ST3GAL2: variants seen among roughly 807,000 people sequenced by gnomAD.
ST3GAL2 encodes the protein ST3 beta-galactoside alpha-2,3-sialyltransferase 2, also known as CMP-N-acetylneuraminate-beta-galactosamide-alpha-2,3-sialyltransferase 2.
Under a neutral mutation model 37.5 loss-of-function variants are expected in ST3GAL2, and 16 were observed. That is an observed-to-expected ratio of 0.43 (90% confidence interval 0.29 to 0.65). The LOEUF is 0.65. Ranked by LOEUF, ST3GAL2 falls within the 30% of genes least tolerant of loss-of-function variation. ST3GAL2 has a pLI of 0.17. For synonymous variants in ST3GAL2, 238 were observed against 202.9 expected, an observed-to-expected ratio of 1.17 and a Z score of -1.47; for missense variants, 383 against 487.8, an observed-to-expected ratio of 0.79 and a Z score of 2.02.
intron 1 of ST3GAL2, among the ~76,000 whole-genome samples, chr16:70,437,935 C>G (rs753102703): frequency 5.9e-5 from 9 of 152,130 alleles, no homozygotes; most frequent in Non-Finnish European, 1.2e-4. Context: ...CCCCCGGAGG[C>G]TTTGACTGAA....
chr16:70,431,729 C>T (rs1160927013), intron 1 of ST3GAL2, among the ~76,000 whole-genome samples: 2 of 151,286 alleles, frequency 1.3e-5, no homozygotes, highest in East Asian at 1.9e-4. Flanking sequence ...TTTGGGAGGC[C>T]GAGGCGGGCA....
chr16:70,432,939 A>G (rs1168981639), intron 1 of ST3GAL2, among the ~76,000 whole-genome samples: 2 of 152,236 alleles, frequency 1.3e-5, no homozygotes, highest in Non-Finnish European at 2.9e-5. Flanking sequence ...AGCTGTGTCC[A>G]CCACATAGAG....
intron 1 of ST3GAL2, among the ~76,000 whole-genome samples, chr16:70,429,496 G>A (rs2047773659): frequency 1.3e-5 from 2 of 150,456 alleles, no homozygotes; most frequent in South Asian, 2.1e-4. Flanking sequence ...GGCTGAGGCA[G>A]GAGAATGGCA....
intron 1 of ST3GAL2, among the ~76,000 whole-genome samples, chr16:70,402,208 A>C (rs2047560580): frequency 6.8e-6 from 1 of 147,930 alleles, no homozygotes; most frequent in African/African-American, 2.5e-5. Flanking sequence ...CTGAGGCAGG[A>C]GAATCGCTTG....
At position 70,395,087 on chromosome 16, in the gene ST3GAL2, A is replaced by T; in HGVS notation, c.428T>A (p.Phe143Tyr). 6.2e-7 allele frequency: 1 copy of T among 1,613,952 alleles called. No individual in the cohort carries two copies. Among genetic ancestry groups the T allele is most frequent in the Admixed American group, 1.7e-5 (1 of 60,008 alleles). ...GCGCCGGCACTGGTGGGGGTCCCGG[A>T]AGCGGTAGGGGTTCTCGCCAGGCAC... is the stretch of plus-strand genomic sequence containing the variant. ...QIVPGENPYR[F>Y]RDPHQCRRCA... The change falls in exon 3 of 7, where the codon TTC becomes TAC. Residue 143 changes from phenylalanine (F) to tyrosine (Y), a missense_variant. Transcript: ENST00000342907.
rs1398863162 is a variant in ST3GAL2, at chr16:70,416,666, A to G, written c.-1003-17133T>C. On this transcript the variant is annotated intron_variant, in intron 1 of 6. Coordinates refer to ENST00000342907, the MANE Select transcript of ST3GAL2 (RefSeq NM_006927.4). ...TATAAGTATGCATATGAAAGTGATA[A>G]TTATATTCTGCCCCCACTTTTCCAT... Among the ~76,000 whole-genome samples the G allele has an allele frequency of 2.0e-5, 3 of 152,174 alleles. No homozygotes were observed. The East Asian group carries it at 5.8e-4, about 29-fold the overall frequency.
chr16:70,421,264 C>T (rs1222118476), intron 1 of ST3GAL2, among the ~76,000 whole-genome samples: 5 of 152,234 alleles, frequency 3.3e-5, no homozygotes, highest in Non-Finnish European at 7.3e-5. Flanking sequence ...AATCAGTTCA[C>T]CACCTCTGGA....
rs1282499370 is a variant in ST3GAL2 at position 70,381,284 on chromosome 16, GCTA to G, written c.*402_*404del. 5 of 178,538 alleles carry G rather than the reference GCTA, an allele frequency of 2.8e-5. No homozygotes were observed. Among genetic ancestry groups the G allele is most frequent in the Non-Finnish European group, 4.8e-5 (4 of 83,404 alleles). 11.1% of individuals were successfully genotyped at this position (178,538 alleles called of 1,614,324 possible). The stretch of plus-strand genomic sequence containing the variant: ...GCCCGCTCTCCTCCAGGTCTGGCCA[GCTA>G]CTAAGACGATCCTCCGCCCGAGGCT... On this transcript the variant is annotated 3_prime_UTR_variant, in exon 7 of 7. Transcript: ENST00000342907.
chr16:70,394,887 C>G (rs1051264807), intron 3 of ST3GAL2, 95 bp downstream of exon 3: 1 of 1,414,228 alleles, frequency 7.1e-7, no homozygotes, highest in Non-Finnish European at 9.6e-7. Flanking sequence ...ACACCGGTAG[C>G]TGGCAGCATG....
At chr16:70,393,041 A>G (rs1057287276) in intron 3 of ST3GAL2, among the ~76,000 whole-genome samples, 5 of 148,938 alleles carry the variant, frequency 3.4e-5, no homozygotes, top group African/African-American at 1.2e-4. Flanking sequence ...TCCACTCTAT[A>G]CCACCCCCCT....
chr16:70,420,007 T>C (rs1036154691), intron 1 of ST3GAL2, among the ~76,000 whole-genome samples: 1 of 121,932 alleles, frequency 8.2e-6, no homozygotes, highest in African/African-American at 3.2e-5. Flanking sequence ...CAACTGACCA[T>C]TTGACCCCCC....
chr16:70,379,603 C>G lies in ST3GAL2; in HGVS notation c.*2086G>C, dbSNP rs941645844. On this transcript the variant is annotated 3_prime_UTR_variant, in exon 7 of 7. Coordinates refer to ENST00000342907, the MANE Select transcript of ST3GAL2 (RefSeq NM_006927.4). ...AAATCTGGCTGGATGCTGGGACCTA[C>G]CTCTTCCAGGATGGGGATTCATGAT... The G allele has an allele frequency of 6.6e-6, 1 of 152,150 alleles. No individual in the cohort carries two copies. The highest frequency in any genetic ancestry group is 1.9e-4 in the East Asian group (1 of 5,194). 9.4% of individuals were successfully genotyped at this position (152,150 alleles called of 1,614,324 possible).
chr16:70,426,133 A>G (rs1204802415), intron 1 of ST3GAL2, among the ~76,000 whole-genome samples: 1 of 149,162 alleles, frequency 6.7e-6, no homozygotes, highest in Non-Finnish European at 1.5e-5. Flanking sequence ...GGAAGTTAGG[A>G]TCCTACGTTC....
At chr16:70,395,270 G>T in intron 2 of ST3GAL2, 95 bp from the exon 3 acceptor site, 1 of 1,190,960 alleles carries the variant, frequency 8.4e-7, no homozygotes, top group Non-Finnish European at 1.2e-6. Flanking sequence ...TCACTATCCT[G>T]TGTCTGGGCA....
intron 1 of ST3GAL2, among the ~76,000 whole-genome samples, chr16:70,405,775 T>C (rs1219013452): frequency 6.6e-6 from 1 of 151,468 alleles, no homozygotes; most frequent in East Asian, 2.0e-4. Context: ...TAAAAGCCAC[T>C]GACAGCCAGG....
rs116766576 is a variant in ST3GAL2 at position 70,427,255 on chromosome 16, T to C, written c.-1004+11694A>G. 7.5e-3 allele frequency among the ~76,000 whole-genome samples: 1,137 copies of C among 151,714 alleles called. 18 individuals carry two copies. Among genetic ancestry groups the C allele is most frequent in the African/African-American group, 0.026 (1,078 of 41,358 alleles). On this transcript the variant is annotated intron_variant, in intron 1 of 6. Coordinates refer to ENST00000342907, the MANE Select transcript of ST3GAL2 (RefSeq NM_006927.4). ...TAGACAGTATACCTTAGTAGAGGTA[T>C]CCAAAAAGTATCTCAAACTCAACTT...
At chr16:70,431,662 T>TA (rs60739243) in intron 1 of ST3GAL2, among the ~76,000 whole-genome samples, 4,796 of 139,298 alleles carry the variant, frequency 0.034, 67 homozygotes, top group Middle Eastern at 0.092. Context: ...CCCATCTCTT[T>TA]AAAAAAAAAA....
intron 1 of ST3GAL2, among the ~76,000 whole-genome samples, chr16:70,431,791 GTC>G (rs1398847354): frequency 2.0e-5 from 3 of 151,706 alleles, no homozygotes; most frequent in Non-Finnish European, 4.4e-5. Flanking sequence ...GTGAAACCCC[GTC>G]TCTACTAAAA....
intron 1 of ST3GAL2, among the ~76,000 whole-genome samples, chr16:70,407,342 T>C (rs2047599802): frequency 6.6e-6 from 1 of 152,140 alleles, no homozygotes. Context: ...GGTTTCGCCA[T>C]GTTGGCTAGG....
Sources: gnomAD v4.1 joint callset for allele counts (sites outside exome capture counted in the v4.1 genomes callset) on GRCh38, gnomAD v4.1.1 for gene constraint, MANE v1.5 for transcripts, NCBI Gene and HGNC (gene_info 2026-07-23, HGNC 2026-07-21) for gene names.